Variants in CSMD1 observed in about 807,000 individuals in gnomAD.
The protein encoded by CSMD1 is CUB and sushi domain-containing protein 1.
Under a neutral mutation model 417.5 loss-of-function variants are expected in CSMD1, and 213 were observed. That is an observed-to-expected ratio of 0.51 (90% CI 0.46 to 0.57). The LOEUF (loss-of-function observed/expected upper bound fraction) is 0.57. Among genes scored for constraint, CSMD1 ranks in the 20% least tolerant of loss-of-function variants. The probability of loss-of-function intolerance (pLI) is 0.00; values close to 1 mark genes in which losing one functional copy is unlikely to be tolerated. For synonymous variants in CSMD1, 2,862 were observed against 1,736.8 expected, an observed-to-expected ratio of 1.65 and a Z score of -16.11; for missense variants, 6,923 against 4,529.7, an observed-to-expected ratio of 1.53 and a Z score of -15.17.
intron 23 of CSMD1, among the ~76,000 whole-genome samples, chr8:3,319,937 C>G (rs1806040621): frequency 6.6e-6 from 1 of 152,128 alleles, no homozygotes; most frequent in Non-Finnish European, 1.5e-5. Flanking sequence ...GAAATAGCAG[C>G]TCTGGTTAAT....
chr8:3,439,299 ATATATATATATT>A lies in CSMD1; in HGVS notation c.1561+29401_1561+29412del, dbSNP rs1481537985. Among the ~76,000 whole-genome samples the A allele has an allele frequency of 2.3e-3, 102 of 45,196 alleles. 4 individuals are homozygous for A. The East Asian group carries it at 0.052, about 23-fold the overall frequency. 29.7% of individuals were successfully genotyped at this position (45,196 alleles called of 152,430 possible). ...AATGTCAGTATATATATATATATAT[ATATATATATATT>A]TTTTTTTTTAATATGTATTTTTAAT... On this transcript the variant is annotated intron_variant, in intron 12 of 69. Coordinates refer to ENST00000635120, the MANE Select transcript of CSMD1 (RefSeq NM_033225.6).
At chr8:3,387,464 T>C (rs1811076192) in intron 18 of CSMD1, 30 bp downstream of exon 18, 4 of 1,560,604 alleles carry the variant, frequency 2.6e-6, no homozygotes, top group South Asian at 1.2e-5. Context: ...CACACCCTGC[T>C]GGTGCATTGC....
intron 33 of CSMD1, among the ~76,000 whole-genome samples, chr8:3,190,912 G>C (rs1442157987): frequency 2.0e-5 from 3 of 152,182 alleles, no homozygotes; most frequent in African/African-American, 7.2e-5. Flanking sequence ...GAGATCTAAA[G>C]TAGTGGCACT....
intron 41 of CSMD1, among the ~76,000 whole-genome samples, chr8:3,121,293 TC>T (rs1370965803): frequency 6.6e-6 from 1 of 152,170 alleles, no homozygotes; most frequent in East Asian, 1.9e-4. Context: ...CCTTTCAGCA[TC>T]CCTTGGTTTT....
In CSMD1 at chr8:3,172,333, T is replaced by C. The variant is rs558858727; in HGVS notation, c.5725+8777A>G. On this transcript the variant is annotated intron_variant, in intron 37 of 69. Coordinates refer to ENST00000635120, the MANE Select transcript of CSMD1 (RefSeq NM_033225.6). ...GATATTTTGCTTTGGCTACAGCGTTTTTTTCCTAAGTGTTTTTATGGCTGA... is the reference window on the plus strand; with the variant it reads ...GATATTTTGCTTTGGCTACAGCGTTCTTTTCCTAAGTGTTTTTATGGCTGA... 2.0e-5 allele frequency among the ~76,000 whole-genome samples: 3 copies of C among 152,300 alleles called. No individual in the cohort carries two copies. In the South Asian group the frequency reaches 6.2e-4, roughly 32 times the overall value.
chr8:2,951,577 G>A (rs1226786869), intron 65 of CSMD1, among the ~76,000 whole-genome samples: 1 of 152,102 alleles, frequency 6.6e-6, no homozygotes, highest in African/African-American at 2.4e-5. Flanking sequence ...TGGTGAACTG[G>A]TACTTCTAAT....
At chr8:4,156,047 T>A (rs907974632) in intron 3 of CSMD1, among the ~76,000 whole-genome samples, 4 of 152,098 alleles carry the variant, frequency 2.6e-5, no homozygotes, top group African/African-American at 9.7e-5. Flanking sequence ...ATGAGCTCCA[T>A]AGATTCCTAC....
intron 3 of CSMD1, among the ~76,000 whole-genome samples, chr8:4,248,424 C>T (rs559540026): frequency 2.0e-5 from 3 of 152,050 alleles, no homozygotes; most frequent in South Asian, 2.1e-4. Context: ...GAAGAGAGCC[C>T]GTCCACTTGA....
At chr8:3,713,254 A>G (rs997225720) in intron 6 of CSMD1, among the ~76,000 whole-genome samples, 2 of 152,188 alleles carry the variant, frequency 1.3e-5, no homozygotes, top group African/African-American at 4.8e-5. Flanking sequence ...TGCCTTCACT[A>G]TAATCTCTAA....
chr8:3,447,912 G>T (rs1020714220), intron 12 of CSMD1, among the ~76,000 whole-genome samples: 1 of 152,134 alleles, frequency 6.6e-6, no homozygotes, highest in African/African-American at 2.4e-5. Flanking sequence ...CCCCAGAGGA[G>T]CTGGAAGCTA....
intron 41 of CSMD1, among the ~76,000 whole-genome samples, chr8:3,122,581 T>C (rs573789955): frequency 2.6e-4 from 39 of 152,140 alleles, no homozygotes; most frequent in African/African-American, 8.9e-4. Context: ...CCAGGGGAGG[T>C]AATTGCATCA....
chr8:4,897,049 C>G (rs1270025059), intron 1 of CSMD1, among the ~76,000 whole-genome samples: 1 of 152,066 alleles, frequency 6.6e-6, no homozygotes, highest in Non-Finnish European at 1.5e-5. Context: ...TTTTAAAACT[C>G]AGGAGTAAAA....
intron 6 of CSMD1, among the ~76,000 whole-genome samples, chr8:3,749,037 T>G (rs2129052623): frequency 6.6e-6 from 1 of 152,324 alleles, no homozygotes; most frequent in East Asian, 1.9e-4. Context: ...TAAAGGTGTG[T>G]AAAACTGGAG....
At chr8:3,655,205 C>G (rs1033241036) in intron 7 of CSMD1, among the ~76,000 whole-genome samples, 3 of 152,252 alleles carry the variant, frequency 2.0e-5, no homozygotes, top group Non-Finnish European at 4.4e-5. Context: ...TCAAAACCAA[C>G]TTTTAATGAT....
intron 1 of CSMD1, among the ~76,000 whole-genome samples, chr8:4,705,669 T>C (rs1456709849): frequency 1.3e-5 from 2 of 152,224 alleles, no homozygotes; most frequent in African/African-American, 4.8e-5. Context: ...TTGTATCTCG[T>C]GTCATATGAA....
At chr8:3,773,502 G>C (rs1248032311) in intron 5 of CSMD1, among the ~76,000 whole-genome samples, 2 of 152,042 alleles carry the variant, frequency 1.3e-5, no homozygotes, top group African/African-American at 4.8e-5. Context: ...TCCCAGGCTG[G>C]TCTTGAACTC....
intron 5 of CSMD1, among the ~76,000 whole-genome samples, chr8:3,979,711 G>C (rs770572680): frequency 2.0e-5 from 3 of 152,182 alleles, no homozygotes; most frequent in Non-Finnish European, 2.9e-5. Context: ...ACCCAGAACT[G>C]AATAAGCTGG....
chr8:4,153,132 T>C (rs1796657249), intron 3 of CSMD1, among the ~76,000 whole-genome samples: 1 of 152,166 alleles, frequency 6.6e-6, no homozygotes, highest in South Asian at 2.1e-4. Context: ...AATGTTGTAT[T>C]GAATACTGAA....
At chr8:4,400,399 G>T (rs191487494) in intron 3 of CSMD1, among the ~76,000 whole-genome samples, 1 of 152,292 alleles carries the variant, frequency 6.6e-6, no homozygotes, top group East Asian at 1.9e-4. Context: ...TGTGTTTGCC[G>T]TTCCAGGAGC....
Sources: gnomAD v4.1 joint callset for allele counts (sites outside exome capture counted in the v4.1 genomes callset) on GRCh38, gnomAD v4.1.1 for gene constraint, MANE v1.5 for transcripts, NCBI Gene and HGNC (gene_info 2026-07-23, HGNC 2026-07-21) for gene names.